Variants in SERGEF observed in about 807,000 individuals in gnomAD.
SERGEF encodes the protein secretion regulating guanine nucleotide exchange factor.
In SERGEF, 51 loss-of-function variants were observed where a neutral mutation model predicts 50.0. The observed-to-expected ratio is 1.02, with a 90% CI of 0.81 to 1.29. The LOEUF is 1.29. Ranked by LOEUF, SERGEF falls within the 50% of genes most tolerant of loss-of-function variation. SERGEF has a pLI of 0.00. For missense variants in SERGEF, 521 were observed against 557.0 expected (o/e 0.94, Z 0.65); for synonymous variants, 205 against 212.4 (o/e 0.97, Z 0.30).
intron 10 of SERGEF, among the ~76,000 whole-genome samples, chr11:17,835,577 T>C (rs1356156744): frequency 6.6e-6 from 1 of 152,224 alleles, no homozygotes; most frequent in Non-Finnish European, 1.5e-5. Flanking sequence ...GAAGGACCTG[T>C]ATCTTATTCA....
intron 9 of SERGEF, among the ~76,000 whole-genome samples, chr11:17,937,274 A>G (rs1041234443): frequency 3.0e-4 from 46 of 152,330 alleles, no homozygotes; most frequent in African/African-American, 1.0e-3. Context: ...GCTCACGCCT[A>G]TAATCCCAAC....
intron 9 of SERGEF, among the ~76,000 whole-genome samples, chr11:17,928,157 G>A (rs1852285367): frequency 6.6e-6 from 1 of 152,216 alleles, no homozygotes; most frequent in South Asian, 2.1e-4. Flanking sequence ...GCTGCCAGCA[G>A]GCATGAACAG....
At chr11:18,006,473 G>T in intron 3 of SERGEF, 118 bp downstream of exon 3, 1 of 1,011,262 alleles carries the variant, frequency 9.9e-7, no homozygotes, top group Non-Finnish European at 1.5e-6. Context: ...ACCGCACCAG[G>T]CCTTATGTGT....
chr11:17,958,495 T>C (rs1852921437), intron 9 of SERGEF, among the ~76,000 whole-genome samples: 2 of 152,166 alleles, frequency 1.3e-5, no homozygotes, highest in African/African-American at 4.8e-5. Flanking sequence ...CTGCCTTAAA[T>C]GTAGAAATTC....
intron 10 of SERGEF, among the ~76,000 whole-genome samples, chr11:17,793,099 C>A (rs1381936454): frequency 6.6e-6 from 1 of 152,138 alleles, no homozygotes; most frequent in Non-Finnish European, 1.5e-5. Context: ...ATAGGGTTGC[C>A]ATGAGGAGGA....
At chr11:17,891,022 T>C (rs527306274) in intron 9 of SERGEF, among the ~76,000 whole-genome samples, 11 of 152,326 alleles carry the variant, frequency 7.2e-5, no homozygotes, top group African/African-American at 2.4e-4. Context: ...TAGAGGCATC[T>C]TGTGGTTTAC....
intron 9 of SERGEF, among the ~76,000 whole-genome samples, chr11:17,921,147 A>G (rs561609888): frequency 6.6e-6 from 1 of 152,330 alleles, no homozygotes; most frequent in South Asian, 2.1e-4. Context: ...TATTTCCAGC[A>G]AAAGAGTTGG....
chr11:17,830,685 A>AGAGCGAGC (rs1554999498), intron 10 of SERGEF, among the ~76,000 whole-genome samples: 1 of 119,008 alleles, frequency 8.4e-6, no homozygotes, highest in Non-Finnish European at 1.8e-5. Context: ...AGAGAGAGAG[A>AGAGCGAGC]GAGCACATGT....
At chr11:17,924,911 C>T (rs576176036) in intron 9 of SERGEF, among the ~76,000 whole-genome samples, 1 of 152,140 alleles carries the variant, frequency 6.6e-6, no homozygotes, top group South Asian at 2.1e-4. Context: ...AAACTTTGAC[C>T]GCATGAACAG....
At chr11:17,962,909 C>A (rs1052990964) in intron 8 of SERGEF, among the ~76,000 whole-genome samples, 4 of 152,076 alleles carry the variant, frequency 2.6e-5, no homozygotes, top group African/African-American at 9.7e-5. Context: ...CGGCCAGGCA[C>A]AGTGGCTCAC....
chr11:17,901,899 T>C (rs552390), intron 9 of SERGEF, among the ~76,000 whole-genome samples: 58,455 of 152,026 alleles, frequency 0.38, 11,328 homozygotes, highest in South Asian at 0.43. Flanking sequence ...AACATGTTAC[T>C]TTTTTCTTAG....
At chr11:17,928,934 T>C (rs1852299742) in intron 9 of SERGEF, among the ~76,000 whole-genome samples, 1 of 152,240 alleles carries the variant, frequency 6.6e-6, no homozygotes, top group Non-Finnish European at 1.5e-5. Flanking sequence ...AACTAGATGC[T>C]ATTTATATTT....
intron 8 of SERGEF, among the ~76,000 whole-genome samples, chr11:17,960,462 G>A (rs548909599): frequency 6.6e-6 from 1 of 152,154 alleles, no homozygotes; most frequent in African/African-American, 2.4e-5. Flanking sequence ...AATCTGATGA[G>A]CCATAGATTA....
At position 17,977,734 on chromosome 11, in the gene SERGEF, T is replaced by C. The variant is rs561324563; in HGVS notation, c.844+10863A>G. 1.1e-4 allele frequency among the ~76,000 whole-genome samples: 17 copies of C among 151,974 alleles called. No individual in the cohort carries two copies. In the East Asian group the frequency reaches 3.1e-3, roughly 28 times the overall value. Reference sequence around the variant, plus strand: ...GAAGGTAGGGCCCTCATGAATGGGATCATTGGCCTTATAAAAGAAACCCCA... The same window carrying C: ...GAAGGTAGGGCCCTCATGAATGGGACCATTGGCCTTATAAAAGAAACCCCA... On this transcript the variant is annotated intron_variant, in intron 8 of 10. Transcript: ENST00000265965.
chr11:17,854,818 G>C (rs1850785087), intron 10 of SERGEF: 1 of 152,188 alleles, frequency 6.6e-6, no homozygotes, highest in Admixed American at 6.5e-5. Context: ...ATTGATAACT[G>C]GATCATGCTA....
At chr11:17,822,925 T>C (rs867527777) in intron 10 of SERGEF, among the ~76,000 whole-genome samples, 9 of 152,182 alleles carry the variant, frequency 5.9e-5, no homozygotes, top group African/African-American at 2.2e-4. Context: ...TTTCCCCCAT[T>C]GTCAACATCT....
chr11:17,842,276 C>A (rs1368105105), intron 10 of SERGEF, among the ~76,000 whole-genome samples: 1 of 152,104 alleles, frequency 6.6e-6, no homozygotes, highest in Non-Finnish European at 1.5e-5. Context: ...CATAACAGGT[C>A]CCTTTCTAAT....
intron 9 of SERGEF, chr11:17,939,725 A>G (rs1299971036): frequency 6.6e-6 from 1 of 152,282 alleles, no homozygotes; most frequent in Non-Finnish European, 1.5e-5. Flanking sequence ...GACACAAGGG[A>G]TATCCCAAAA....
intron 8 of SERGEF, among the ~76,000 whole-genome samples, chr11:17,965,096 C>G (rs921624278): frequency 6.6e-6 from 1 of 152,212 alleles, no homozygotes; most frequent in Admixed American, 6.5e-5. Context: ...TCATCTTGAA[C>G]TGTAATCCCC....
Sources: gnomAD v4.1 joint callset for allele counts (sites outside exome capture counted in the v4.1 genomes callset) on GRCh38, gnomAD v4.1.1 for gene constraint, MANE v1.5 for transcripts, NCBI Gene and HGNC (gene_info 2026-07-23, HGNC 2026-07-21) for gene names.